NBEAL1: variants seen among roughly 807,000 people sequenced by gnomAD.
NBEAL1 encodes neurobeachin like 1.
NBEAL1 carries 273 observed loss-of-function variants against 351.3 expected under a neutral mutation model. The observed-to-expected ratio is 0.78, with a 90% CI of 0.70 to 0.86. The LOEUF is 0.86. Ranked by LOEUF, NBEAL1 falls within the 40% of genes least tolerant of loss-of-function variation. The pLI, the probability that NBEAL1 is intolerant of heterozygous loss-of-function variation, is 0.00. For missense variants in NBEAL1, 2,961 were observed against 3,201.3 expected, an observed-to-expected ratio of 0.92 and a Z score of 1.81; for synonymous variants, 1,050 against 1,086.4, an observed-to-expected ratio of 0.97 and a Z score of 0.66.
intron 39 of NBEAL1, among the ~76,000 whole-genome samples, chr2:203,170,981 T>C (rs183221237): frequency 6.6e-6 from 1 of 152,302 alleles, no homozygotes; most frequent in East Asian, 1.9e-4. Context: ...AATTCGAAAT[T>C]TTAGGCCACA....
chr2:203,213,746 G>A, intron 55 of NBEAL1, 93 bp downstream of exon 55: 3 of 1,545,526 alleles, frequency 1.9e-6, no homozygotes, highest in South Asian at 1.2e-5. Flanking sequence ...CACCATTAGG[G>A]ATAAACAAAT....
intron 44 of NBEAL1, among the ~76,000 whole-genome samples, chr2:203,185,335 G>A (rs1356465519): frequency 6.6e-6 from 1 of 152,096 alleles, no homozygotes; most frequent in Non-Finnish European, 1.5e-5. Flanking sequence ...TTTCAATTAT[G>A]TATTACTGAG....
Position 203,192,385 on chromosome 2 carries a change from ATT to A in NBEAL1, c.6922-1395_6922-1394del, listed in dbSNP as rs753136759. Among the ~76,000 whole-genome samples the A allele has an allele frequency of 8.9e-3, 1,282 of 144,684 alleles. 22 individuals carry two copies. Among genetic ancestry groups the A allele is most frequent in the African/African-American group, 0.029 (1,168 of 39,706 alleles). 94.9% of individuals were successfully genotyped at this position (144,684 alleles called of 152,430 possible). On this transcript the variant is annotated intron_variant, in intron 46 of 55. Coordinates refer to ENST00000683969, the MANE Select transcript of NBEAL1 (RefSeq NM_001378026.1). ...AGTGAATAATATTTATTAAAAGATA[ATT>A]TTTTTTTTTTTTTTGAGAGGGAGTT...
Position 203,122,324 on chromosome 2 carries a change from T to A in NBEAL1, c.2663T>A (p.Val888Glu). The A allele has an allele frequency of 6.5e-7, 1 of 1,538,518 alleles. No individual in the cohort carries two copies. The highest frequency in any genetic ancestry group is 8.8e-7 in the Non-Finnish European group (1 of 1,138,566). The change falls in exon 19 of 56, where the codon GTA (valine) becomes GAA (glutamate). Residue 888 changes from valine to glutamate, a missense_variant. Val to Glu is a moderately radical substitution (Grantham distance 121). Transcript: ENST00000683969. ...CATGGAAGATTAACAGGAAACAAAG[T>A]AGTGAACTGGGACATTAAGGTAAAT... ...CLHGRLTGNK[V>E]VNWDIKDIIN...
chr2:203,195,118 C>T (rs1361743087), intron 47 of NBEAL1, among the ~76,000 whole-genome samples: 1 of 150,698 alleles, frequency 6.6e-6, no homozygotes, highest in African/African-American at 2.4e-5. Context: ...GAATGGCATC[C>T]AGGAGGCAGA....
At chr2:203,034,159 C>CTTTT (rs1166429847) in intron 2 of NBEAL1, among the ~76,000 whole-genome samples, 1 of 135,016 alleles carries the variant, frequency 7.4e-6, no homozygotes, top group Non-Finnish European at 1.6e-5. Flanking sequence ...TTGGCCTGTA[C>CTTTT]TTTTTTTTTT....
chr2:203,160,100 A>G (rs1425941526), intron 36 of NBEAL1, among the ~76,000 whole-genome samples: 2 of 141,088 alleles, frequency 1.4e-5, no homozygotes, highest in East Asian at 4.1e-4. Context: ...TTTTTTTTAG[A>G]CAAAGTCTTG....
At chr2:203,081,495 T>G (rs1416505753) in intron 8 of NBEAL1, among the ~76,000 whole-genome samples, 1 of 152,248 alleles carries the variant, frequency 6.6e-6, no homozygotes, top group Admixed American at 6.5e-5. Flanking sequence ...TACTTGTACT[T>G]TTAAAAACTA....
intron 4 of NBEAL1, among the ~76,000 whole-genome samples, chr2:203,053,972 T>A (rs1174830844): frequency 6.6e-6 from 1 of 151,986 alleles, no homozygotes; most frequent in Non-Finnish European, 1.5e-5. Context: ...TGAGACAGAG[T>A]CTTGCTCCAT....
chr2:203,193,917 A>G lies in NBEAL1; in HGVS notation c.7038+6A>G. 3 of 1,498,396 alleles carry G rather than the reference A, an allele frequency of 2.0e-6. No homozygotes were observed. The highest frequency in any genetic ancestry group is 1.8e-6 in the Non-Finnish European group (2 of 1,081,816). The allele number at this position is 1,498,396 out of a possible 1,614,324, so 92.8% of individuals were successfully genotyped here. ...TCAAGTCATTTTTTATAGAGGTAAT[A>G]TCCTACTTGGTAATATCAAAAAGAG... On this transcript the variant is annotated splice_donor_region_variant and intron_variant, in intron 47 of 55. Coordinates refer to ENST00000683969, the MANE Select transcript of NBEAL1 (RefSeq NM_001378026.1).
At chr2:203,026,221 G>A (rs1476391337) in intron 2 of NBEAL1, among the ~76,000 whole-genome samples, 1 of 151,950 alleles carries the variant, frequency 6.6e-6, no homozygotes, top group Non-Finnish European at 1.5e-5. Flanking sequence ...GTTTTTTTGT[G>A]TATAACCACT....
intron 6 of NBEAL1, among the ~76,000 whole-genome samples, chr2:203,060,694 C>T (rs1163471897): frequency 6.6e-6 from 1 of 152,206 alleles, no homozygotes; most frequent in East Asian, 1.9e-4. Flanking sequence ...CAGAGACCCT[C>T]TTTAACAATG....
Position 203,154,792 on chromosome 2 carries a change from C to T in NBEAL1, c.5588-2907C>T, listed in dbSNP as rs144789526. ...TGATACCCCATCTCTACAAAAAATA[C>T]GATTTTTTGTAGCATGGCACATACT... On this transcript the variant is annotated intron_variant, in intron 35 of 55. Coordinates refer to ENST00000683969, the MANE Select transcript of NBEAL1 (RefSeq NM_001378026.1). Among the ~76,000 whole-genome samples the T allele has an allele frequency of 7.0e-4, 106 of 151,920 alleles. 1 individual carries two copies. The highest frequency in any genetic ancestry group is 3.4e-3 in the Middle Eastern group (1 of 294).
chr2:203,093,317 G>A (rs142915381), intron 10 of NBEAL1, among the ~76,000 whole-genome samples: 76 of 149,258 alleles, frequency 5.1e-4, no homozygotes, highest in African/African-American at 1.0e-3. Flanking sequence ...AAATTTGTTA[G>A]CATTGGTTTT....
At chr2:203,059,336 G>A (rs1203117031) in intron 6 of NBEAL1, among the ~76,000 whole-genome samples, 1 of 152,128 alleles carries the variant, frequency 6.6e-6, no homozygotes, top group East Asian at 1.9e-4. Flanking sequence ...ACAAACAAGG[G>A]GCTTAGAATA....
rs747309074 is a variant in NBEAL1 at position 203,032,660 on chromosome 2, C to CTTT, written c.52-9082_52-9080dup. Among the ~76,000 whole-genome samples the CTTT allele has an allele frequency of 3.3e-3, 231 of 70,136 alleles. 5 individuals are homozygous for CTTT. Among genetic ancestry groups the CTTT allele is most frequent in the Non-Finnish European group, 4.2e-3 (173 of 40,752 alleles). 46.0% of individuals were successfully genotyped at this position (70,136 alleles called of 152,430 possible). A position where few individuals can be genotyped will look rare whatever the true frequency, so the allele number is the denominator to read the frequency against. On this transcript the variant is annotated intron_variant, in intron 2 of 55. Transcript: ENST00000683969. ...AAAGAAAGAGTGAAGGAAATTGTAG[C>CTTT]TTTTTTTTTTTTTTTTTTTTTTTTT...
At chr2:203,100,175 G>T (rs1182124099) in intron 12 of NBEAL1, among the ~76,000 whole-genome samples, 1 of 152,112 alleles carries the variant, frequency 6.6e-6, no homozygotes, top group Non-Finnish European at 1.5e-5. Flanking sequence ...TTGATTCCAT[G>T]TGTTTGCTAT....
intron 47 of NBEAL1, among the ~76,000 whole-genome samples, chr2:203,196,457 G>A (rs964525641): frequency 5.9e-5 from 9 of 152,222 alleles, no homozygotes; most frequent in Admixed American, 5.9e-4. Context: ...AAATTGTGAA[G>A]AAAGTAGAGA....
chr2:203,167,105 A>G (rs1196408474), intron 37 of NBEAL1, 122 bp from the exon 38 acceptor site: 5 of 856,994 alleles, frequency 5.8e-6, no homozygotes, highest in Non-Finnish European at 9.0e-6. Context: ...CAAATGGTTT[A>G]TATAGTACAG....
Sources: allele counts gnomAD v4.1 joint callset (sites outside exome capture counted in the v4.1 genomes callset), GRCh38; gene constraint gnomAD v4.1.1; transcripts MANE v1.5; gene names NCBI Gene and HGNC (gene_info 2026-07-23, HGNC 2026-07-21).